KIT: variants seen among roughly 807,000 people sequenced by gnomAD.
KIT encodes the protein mast/stem cell growth factor receptor Kit.
In KIT, 16 loss-of-function variants were observed where a neutral mutation model predicts 105.7. That is an observed-to-expected ratio of 0.15 (90% CI 0.10 to 0.23). KIT has a LOEUF of 0.23. KIT is among the 10% of genes least tolerant of loss of function. The pLI, the probability that KIT is intolerant of heterozygous loss-of-function variation, is 1.00. For synonymous variants in KIT, 438 were observed against 441.1 expected (o/e 0.99, Z 0.09); for missense variants, 858 against 1,213.8 (o/e 0.71, Z 4.36).
chr4:54,671,481 A>T (rs3796767), intron 1 of KIT, among the ~76,000 whole-genome samples: 5 of 152,110 alleles, frequency 3.3e-5, no homozygotes, highest in African/African-American at 1.2e-4. Context: ...AATTAGCAGC[A>T]TTAGGTCTAT....
chr4:54,709,286 A>G (rs1720988529), intron 6 of KIT, 138 bp from the exon 7 acceptor site: 1 of 679,980 alleles, frequency 1.5e-6, no homozygotes, highest in Non-Finnish European at 2.7e-6. Context: ...GTTAATGTGG[A>G]TTTTGCTAAT....
chr4:54,667,493 T>G (rs886483374), intron 1 of KIT, among the ~76,000 whole-genome samples: 3 of 152,188 alleles, frequency 2.0e-5, no homozygotes, highest in Non-Finnish European at 2.9e-5. Flanking sequence ...TTGGAGGACA[T>G]AGGCATCACT....
chr4:54,672,314 T>TTC (rs34098981), intron 1 of KIT, among the ~76,000 whole-genome samples: 4 of 151,776 alleles, frequency 2.6e-5, no homozygotes, highest in Admixed American at 6.6e-5. Context: ...GATTTTTTTT[T>TTC]TAATGAGGGT....
chr4:54,677,796 T>C (rs1479989564), intron 1 of KIT, among the ~76,000 whole-genome samples: 1 of 152,256 alleles, frequency 6.6e-6, no homozygotes, highest in Non-Finnish European at 1.5e-5. Flanking sequence ...TTGGGACATT[T>C]GTCTAAAATA....
At chr4:54,722,176 C>T (rs936862067) in intron 7 of KIT, among the ~76,000 whole-genome samples, 11 of 151,902 alleles carry the variant, frequency 7.2e-5, no homozygotes, top group Non-Finnish European at 1.3e-4. Flanking sequence ...AGTAGAGATG[C>T]GGTTTCACTG....
chr4:54,700,468 TG>T, intron 4 of KIT, among the ~76,000 whole-genome samples: 2 of 152,226 alleles, frequency 1.3e-5, no homozygotes, highest in Non-Finnish European at 2.9e-5. Context: ...AGCTAGTTAC[TG>T]AAATTTTATC....
At chr4:54,724,894 A>C (rs537756070) in intron 8 of KIT, among the ~76,000 whole-genome samples, 1 of 152,302 alleles carries the variant, frequency 6.6e-6, no homozygotes, top group Non-Finnish European at 1.5e-5. Flanking sequence ...GAAACACATA[A>C]TAGATGGAAT....
At chr4:54,732,148 T>A (rs1722651837) in intron 16 of KIT, 150 bp downstream of exon 16, 2 of 910,188 alleles carry the variant, frequency 2.2e-6, no homozygotes, top group Admixed American at 5.5e-5. Context: ...CAGAGGAAAT[T>A]TAGTTTCTTC....
chr4:54,736,387 C>G (rs938384607), intron 17 of KIT, 111 bp from the exon 18 acceptor site: 2 of 851,590 alleles, frequency 2.3e-6, no homozygotes, highest in African/African-American at 3.3e-5. Context: ...AGATGGTACT[C>G]AAGTTATCAC....
In KIT at chr4:54,728,119, G is replaced by A. The variant is rs1237627916; in HGVS notation, c.1988G>A (p.Gly663Glu). 6.2e-7 allele frequency: 1 copy of A among 1,605,782 alleles called. No homozygotes were observed. Among genetic ancestry groups the A allele is most frequent in the East Asian group, 2.2e-5 (1 of 44,818 alleles). The change falls in exon 13 of 21, where the codon GGA becomes GAA. Residue 663 changes from glycine to glutamate, a missense_variant and splice_region_variant. Gly to Glu is a moderately conservative substitution (Grantham distance 98, BLOSUM62 -2). Around this residue, in one of 7 missense-constraint regions of KIT, gnomAD observed 158 missense variants for 218.7 expected, o/e 0.72. Coordinates refer to ENST00000288135, the MANE Select transcript of KIT (RefSeq NM_000222.3). Reference sequence around the variant, plus strand: ...AATCTACTTGGAGCCTGCACCATTGGAGGTAAAGCCGTGTCCAAGCTGCCT... The same window carrying A: ...AATCTACTTGGAGCCTGCACCATTGAAGGTAAAGCCGTGTCCAAGCTGCCT... Reference protein sequence around the residue: ...IVNLLGACTIGGPTLVITEYC... With the variant: ...IVNLLGACTIEGPTLVITEYC...
chr4:54,732,567 G>T (rs954708530), intron 16 of KIT, among the ~76,000 whole-genome samples: 1 of 152,064 alleles, frequency 6.6e-6, no homozygotes, highest in East Asian at 1.9e-4. Flanking sequence ...AAGATTAACC[G>T]AACAGAATGA....
intron 1 of KIT, among the ~76,000 whole-genome samples, chr4:54,691,400 G>A (rs1455630074): frequency 1.3e-5 from 2 of 152,014 alleles, no homozygotes; most frequent in East Asian, 1.9e-4. Flanking sequence ...ACAGGTTATC[G>A]CAACATGGAG....
At chr4:54,717,224 T>G (rs944737071) in intron 7 of KIT, among the ~76,000 whole-genome samples, 1 of 152,254 alleles carries the variant, frequency 6.6e-6, no homozygotes. Context: ...ACTTTTAAAG[T>G]AGAACTTGAT....
chr4:54,663,598 G>A (rs910264442), intron 1 of KIT, among the ~76,000 whole-genome samples: 3 of 151,742 alleles, frequency 2.0e-5, no homozygotes, highest in South Asian at 2.1e-4. Context: ...TTGTTTAGCC[G>A]TATTCTTGGG....
chr4:54,722,889 TTATA>T (rs34365827), intron 7 of KIT, among the ~76,000 whole-genome samples: 16 of 146,232 alleles, frequency 1.1e-4, no homozygotes, highest in East Asian at 1.9e-4. Context: ...ATATATGTAT[TTATA>T]TATATATATT....
chr4:54,719,037 A>G (rs1189621399), intron 7 of KIT, among the ~76,000 whole-genome samples: 1 of 152,236 alleles, frequency 6.6e-6, no homozygotes, highest in South Asian at 2.1e-4. Flanking sequence ...GCATTGCTTC[A>G]TTGCCTTTAA....
At position 54,698,237 on chromosome 4, in the gene KIT, T is replaced by C. The variant is rs749017282; in HGVS notation, c.338-47T>C. 6 of 1,572,776 alleles carry C rather than the reference T, an allele frequency of 3.8e-6. No homozygotes were observed. The South Asian group carries it at 6.8e-5, about 18-fold the overall frequency. Reference sequence around the variant, plus strand: ...GATCTTTTAAAAAGTGTTTTCAGTGTCTGTGACCAGCCATTCCAACTACTG... The same window carrying C: ...GATCTTTTAAAAAGTGTTTTCAGTGCCTGTGACCAGCCATTCCAACTACTG... On this transcript the variant is annotated intron_variant, in intron 2 of 20. Coordinates refer to ENST00000288135, the MANE Select transcript of KIT (RefSeq NM_000222.3).
chr4:54,735,543 A>C (rs1301569994), intron 17 of KIT, among the ~76,000 whole-genome samples: 1 of 152,208 alleles, frequency 6.6e-6, no homozygotes, highest in Non-Finnish European at 1.5e-5. Context: ...CCAAAGAGTC[A>C]GGATCACAAG....
chr4:54,674,106 G>T (rs1335297482), intron 1 of KIT, among the ~76,000 whole-genome samples: 2 of 152,056 alleles, frequency 1.3e-5, no homozygotes, highest in South Asian at 2.1e-4. Flanking sequence ...ATAAAAATAT[G>T]AACTCTACTT....
Sources: allele counts gnomAD v4.1 joint callset (sites outside exome capture counted in the v4.1 genomes callset), GRCh38; gene constraint gnomAD v4.1.1; regional missense constraint gnomAD v4.1.1; transcripts MANE v1.5; gene names NCBI Gene and HGNC (gene_info 2026-07-23, HGNC 2026-07-21).